Variants in SULF1 observed in about 807,000 individuals in gnomAD.
SULF1 encodes extracellular sulfatase Sulf-1.
Under a neutral mutation model 110.5 loss-of-function variants are expected in SULF1, and 46 were observed. That is an observed-to-expected ratio of 0.42 (90% CI 0.33 to 0.53). The LOEUF (loss-of-function observed/expected upper bound fraction) is 0.53. Ranked by LOEUF, SULF1 falls within the 20% of genes least tolerant of loss-of-function variation. The pLI is 0.12. For synonymous variants in SULF1, 371 were observed against 387.1 expected (o/e 0.96, Z 0.49); for missense variants, 941 against 1,094.2 (o/e 0.86, Z 1.98).
intron 1 of SULF1, among the ~76,000 whole-genome samples, chr8:69,476,566 C>G (rs1809305654): frequency 6.6e-6 from 1 of 152,168 alleles, no homozygotes. Flanking sequence ...TAGCATTGAC[C>G]ATGGAGACTT....
chr8:69,548,241 G>A (rs1258910931), intron 3 of SULF1, among the ~76,000 whole-genome samples: 4 of 152,122 alleles, frequency 2.6e-5, no homozygotes, highest in African/African-American at 4.8e-5. Flanking sequence ...TCCCTAGCAC[G>A]TTAGAAGACA....
intron 18 of SULF1, 89 bp downstream of exon 18, chr8:69,628,325 C>A: frequency 9.1e-7 from 1 of 1,100,404 alleles, no homozygotes; most frequent in South Asian, 1.3e-5. Context: ...CCTGTGTTTC[C>A]TGCAGTGCCG....
chr8:69,605,280 C>T (rs148015598), intron 13 of SULF1, among the ~76,000 whole-genome samples: 1 of 152,156 alleles, frequency 6.6e-6, no homozygotes, highest in Non-Finnish European at 1.5e-5. Context: ...AGCACAGGTA[C>T]GTGCTGAGCC....
Position 69,589,127 on chromosome 8 carries a change from T to A in SULF1, c.720T>A (p.Asn240Lys), listed in dbSNP as rs1176874860. The change falls in exon 8 of 23, where the codon AAT becomes AAA. Residue 240 changes from asparagine to lysine, a missense_variant. Asn to Lys is a moderately conservative substitution (Grantham distance 94, BLOSUM62 0). Around this residue, in one of 3 missense-constraint regions of SULF1, gnomAD observed 822 missense variants for 934.3 expected, o/e 0.88. Transcript: ENST00000402687. ...CACAGTTTTCTAAACTGTACCCCAATGCTTCCCAACACATGTAAGTAACAA... is the reference window on the plus strand; with the variant it reads ...CACAGTTTTCTAAACTGTACCCCAAAGCTTCCCAACACATGTAAGTAACAA... ...SAPQFSKLYPNASQHITPSYN... is the reference protein window; with the variant it reads ...SAPQFSKLYPKASQHITPSYN... 2.5e-6 allele frequency: 4 copies of A among 1,613,714 alleles called. No homozygotes were observed. In the African/African-American group the frequency reaches 5.3e-5, roughly 22 times the overall value.
chr8:69,568,129 AT>A (rs772763967), intron 5 of SULF1, among the ~76,000 whole-genome samples: 37 of 152,302 alleles, frequency 2.4e-4, no homozygotes, highest in Non-Finnish European at 4.9e-4. Context: ...AAGTGCTTTA[AT>A]AAATCTTCAC....
At chr8:69,475,071 A>AGAAAGAGGAAGAGGGAGG (rs1441773355) in intron 1 of SULF1, among the ~76,000 whole-genome samples, 1 of 152,122 alleles carries the variant, frequency 6.6e-6, no homozygotes, top group Non-Finnish European at 1.5e-5. Context: ...GGCAAAGAAG[A>AGAAAGAGGAAGAGGGAGG]GAAAGAGGAA....
chr8:69,643,450 G>T (rs898303421), intron 22 of SULF1, among the ~76,000 whole-genome samples: 1 of 151,396 alleles, frequency 6.6e-6, no homozygotes. Flanking sequence ...CGTGAAATTT[G>T]ATTACAAAAG....
intron 3 of SULF1, among the ~76,000 whole-genome samples, chr8:69,504,789 G>A (rs1435532457): frequency 2.6e-5 from 4 of 152,024 alleles, no homozygotes; most frequent in Non-Finnish European, 4.4e-5. Flanking sequence ...ATAAGCAGAC[G>A]AGTCACTTCC....
chr8:69,514,499 G>A (rs1784772871), intron 3 of SULF1, among the ~76,000 whole-genome samples: 1 of 152,166 alleles, frequency 6.6e-6, no homozygotes, highest in South Asian at 2.1e-4. Context: ...GATTTGGGTG[G>A]GGGTACAGAG....
At chr8:69,507,195 A>G (rs1046164908) in intron 3 of SULF1, among the ~76,000 whole-genome samples, 1 of 152,258 alleles carries the variant, frequency 6.6e-6, no homozygotes, top group African/African-American at 2.4e-5. Flanking sequence ...ATCTGGTATC[A>G]GGCCAGATGT....
At chr8:69,650,644 G>A (rs1812268616) in intron 22 of SULF1, among the ~76,000 whole-genome samples, 1 of 152,118 alleles carries the variant, frequency 6.6e-6, no homozygotes, top group South Asian at 2.1e-4. Context: ...CTCCTCTCCT[G>A]CGTATTTATT....
intron 12 of SULF1, 111 bp from the exon 13 acceptor site, chr8:69,604,692 G>A: frequency 1.4e-6 from 2 of 1,396,278 alleles, no homozygotes; most frequent in South Asian, 1.2e-5. Flanking sequence ...ATTTCTTGCT[G>A]TTTAAAGAAT....
chr8:69,497,452 G>A (rs181671247), intron 2 of SULF1, among the ~76,000 whole-genome samples: 25 of 152,128 alleles, frequency 1.6e-4, no homozygotes, highest in Admixed American at 3.3e-4. Context: ...CACCAGGCCC[G>A]GCCCAGAATG....
intron 13 of SULF1, among the ~76,000 whole-genome samples, chr8:69,608,122 T>A (rs1031915854): frequency 6.6e-6 from 1 of 152,190 alleles, no homozygotes; most frequent in African/African-American, 2.4e-5. Context: ...AGAAAAGAGA[T>A]CCAAAGGTTG....
chr8:69,576,338 T>C (rs1305077906), intron 6 of SULF1, 129 bp downstream of exon 6: 26 of 1,067,896 alleles, frequency 2.4e-5, no homozygotes, highest in Middle Eastern at 2.1e-4. Context: ...TTTAAACTGC[T>C]TGACATCTAC....
intron 1 of SULF1, among the ~76,000 whole-genome samples, chr8:69,470,626 G>T (rs531427817): frequency 6.6e-6 from 1 of 152,128 alleles, no homozygotes; most frequent in African/African-American, 2.4e-5. Flanking sequence ...CCTCCTAAAT[G>T]GTCCACTTGC....
At chr8:69,607,671 T>A (rs1808326699) in intron 13 of SULF1, among the ~76,000 whole-genome samples, 1 of 152,218 alleles carries the variant, frequency 6.6e-6, no homozygotes, top group Non-Finnish European at 1.5e-5. Context: ...GGCAGCTCTG[T>A]TGTGTTCTAT....
chr8:69,570,408 A>G (rs1805142971), intron 5 of SULF1, among the ~76,000 whole-genome samples: 1 of 152,238 alleles, frequency 6.6e-6, no homozygotes, highest in Non-Finnish European at 1.5e-5. Flanking sequence ...ATGCTAAGAT[A>G]TATGTATCGG....
At chr8:69,638,944 A>C in intron 21 of SULF1, 86 bp downstream of exon 21, 1 of 1,297,478 alleles carries the variant, frequency 7.7e-7, no homozygotes, top group Non-Finnish European at 1.1e-6. Context: ...ATTTAATTGC[A>C]CAGAAACATA....
Sources: gnomAD v4.1 joint callset for allele counts (sites outside exome capture counted in the v4.1 genomes callset) on GRCh38, gnomAD v4.1.1 for gene constraint, gnomAD v4.1.1 regional missense constraint, MANE v1.5 for transcripts, NCBI Gene and HGNC (gene_info 2026-07-23, HGNC 2026-07-21) for gene names.